The following HIRA variants were observed in gnomAD, a reference collection of about 807,000 sequenced individuals.
HIRA encodes protein HIRA.
HIRA carries 13 observed loss-of-function variants against 126.6 expected under a neutral mutation model. The observed-to-expected ratio is 0.10, with a 90% CI of 0.07 to 0.16. The LOEUF is 0.16. Among genes scored for constraint, HIRA ranks in the 10% least tolerant of loss-of-function variants. The pLI is 1.00. For missense variants in HIRA, 834 were observed against 1,314.4 expected, an observed-to-expected ratio of 0.63 and a Z score of 5.65; for synonymous variants, 511 against 520.0, an observed-to-expected ratio of 0.98 and a Z score of 0.24.
At chr22:19,382,760 CATTTTTCTTTCTTT>C (rs1184330723) in intron 13 of HIRA, among the ~76,000 whole-genome samples, 2 of 145,494 alleles carry the variant, frequency 1.4e-5, no homozygotes, top group African/African-American at 5.4e-5. Context: ...AGTGCTTTAT[CATTTTTCTTTCTTT>C]TTTTTTTTTT....
chr22:19,421,404 T>C (rs2089445365), intron 1 of HIRA, among the ~76,000 whole-genome samples: 1 of 152,206 alleles, frequency 6.6e-6, no homozygotes, highest in Non-Finnish European at 1.5e-5. Context: ...GGATTTGCTA[T>C]GGTGACTGAT....
intron 5 of HIRA, among the ~76,000 whole-genome samples, chr22:19,401,367 T>A (rs2089267306): frequency 6.6e-6 from 1 of 152,168 alleles, no homozygotes; most frequent in Non-Finnish European, 1.5e-5. Flanking sequence ...CCTCAAGTGA[T>A]CCTCATGCCT....
intron 1 of HIRA, among the ~76,000 whole-genome samples, chr22:19,427,330 A>G (rs967613378): frequency 6.6e-6 from 1 of 152,234 alleles, no homozygotes; most frequent in South Asian, 2.1e-4. Context: ...CCTCACCATT[A>G]GGATCCTTTC....
intron 1 of HIRA, among the ~76,000 whole-genome samples, chr22:19,412,428 C>T (rs1045845912): frequency 1.3e-5 from 2 of 152,200 alleles, no homozygotes; most frequent in Admixed American, 6.5e-5. Flanking sequence ...TTTAAGCCAG[C>T]AAATTTAGGG....
Position 19,361,920 on chromosome 22 carries a change from T to C in HIRA, c.1787A>G (p.Gln596Arg). 1 of 1,614,208 alleles carries C rather than the reference T, an allele frequency of 6.2e-7. No homozygotes were observed. The change falls in exon 16 of 25, where the codon CAG becomes CGG. Residue 596 changes from glutamine (Q) to arginine (R), a missense_variant. By Grantham distance (43) the Gln-to-Arg change is conservative. Around this residue, in one of 5 missense-constraint regions of HIRA, gnomAD observed 468 missense variants for 574.2 expected, o/e 0.82. Transcript: ENST00000263208. ...GGGCCTCAGCTCTTTCACAAGGTTCTGCTCTTTTAACCTGCACAAAAACAT... is the reference window on the plus strand; with the variant it reads ...GGGCCTCAGCTCTTTCACAAGGTTCCGCTCTTTTAACCTGCACAAAAACAT... Reference protein sequence around the residue: ...TPTAVERLKEQNLVKELRPRD... With the variant: ...TPTAVERLKERNLVKELRPRD...
rs775528302 is a variant in HIRA, at chr22:19,353,376, G to A, written c.2828C>T (p.Ala943Val). ...HEYRHWLLVYARYLVNEGFEY... is the reference protein window; with the variant it reads ...HEYRHWLLVYVRYLVNEGFEY... ...CTCACCTTCGTTTACGAGGTACCGT[G>A]CGTAGACGAGGAGCCAATGGCGGTA... The change falls in exon 23 of 25, where the codon GCA (alanine) becomes GTA (valine). Residue 943 changes from alanine to valine, a missense_variant. This residue lies in a region of HIRA where 58 missense variants were observed against 114.5 expected (regional missense o/e 0.51). Coordinates refer to ENST00000263208, the MANE Select transcript of HIRA (RefSeq NM_003325.4). 271 of 1,612,732 alleles carry A rather than the reference G, an allele frequency of 1.7e-4. No homozygotes were observed. The highest frequency in any genetic ancestry group is 2.1e-4 in the Non-Finnish European group (251 of 1,180,020).
At chr22:19,356,078 G>T in intron 20 of HIRA, 152 bp downstream of exon 20, 1 of 752,974 alleles carries the variant, frequency 1.3e-6, no homozygotes. Context: ...CCCCCAAAAA[G>T]TGTGTGTCTC....
intron 1 of HIRA, among the ~76,000 whole-genome samples, chr22:19,421,708 G>C (rs1032014632): frequency 6.6e-6 from 1 of 152,090 alleles, no homozygotes; most frequent in Admixed American, 6.5e-5. Context: ...GTCTTGCTCT[G>C]TCACCCAGGC....
At chr22:19,422,169 T>TACACACACACACACACACACAC (rs762601560) in intron 1 of HIRA, among the ~76,000 whole-genome samples, 4 of 111,650 alleles carry the variant, frequency 3.6e-5, no homozygotes, top group East Asian at 4.9e-4. Flanking sequence ...TGTGTTTATA[T>TACACACACACACACACACACAC]ATACACACAC....
chr22:19,353,148 C>T (rs772153817), intron 23 of HIRA, among the ~76,000 whole-genome samples: 2 of 152,232 alleles, frequency 1.3e-5, no homozygotes, highest in African/African-American at 2.4e-5. Flanking sequence ...TGCTTCTCTG[C>T]GGGAACACCC....
intron 17 of HIRA, among the ~76,000 whole-genome samples, chr22:19,360,825 C>T (rs1459223279): frequency 6.6e-6 from 1 of 152,228 alleles, no homozygotes; most frequent in Non-Finnish European, 1.5e-5. Context: ...GTGCCAGACA[C>T]TGAGAAGACA....
chr22:19,348,358 G>A (rs1363291720), intron 24 of HIRA, among the ~76,000 whole-genome samples: 10 of 152,214 alleles, frequency 6.6e-5, no homozygotes, highest in South Asian at 2.1e-4. Flanking sequence ...TATAGGCAAC[G>A]GAAATAGATC....
intron 1 of HIRA, among the ~76,000 whole-genome samples, chr22:19,419,690 G>A (rs1007097605): frequency 2.0e-5 from 3 of 152,154 alleles, no homozygotes; most frequent in Non-Finnish European, 4.4e-5. Flanking sequence ...CTGTGGCTTG[G>A]CACATAACAG....
chr22:19,399,312 T>C (rs1320066723), intron 5 of HIRA: 1 of 209,476 alleles, frequency 4.8e-6, no homozygotes, highest in African/African-American at 2.4e-5. Context: ...ATCTATTGTA[T>C]TTTTTCCAGT....
chr22:19,413,423 T>G (rs2089369890), intron 1 of HIRA, among the ~76,000 whole-genome samples: 1 of 152,022 alleles, frequency 6.6e-6, no homozygotes, highest in Admixed American at 6.6e-5. Flanking sequence ...TGAGAAGGCG[T>G]GCCTGGTTCA....
At chr22:19,356,427 G>C in intron 19 of HIRA, 139 bp from the exon 20 acceptor site, 1 of 693,504 alleles carries the variant, frequency 1.4e-6, no homozygotes. Flanking sequence ...TCTGGGCTAC[G>C]AGTGGCTTCT....
rs773155037 is a variant in HIRA at position 19,407,204 on chromosome 22, A to T, written c.282T>A (p.Ile94=). 9 of 1,613,680 alleles carry T rather than the reference A, an allele frequency of 5.6e-6. No homozygotes were observed. Among genetic ancestry groups the T allele is most frequent in the Non-Finnish European group, 6.8e-6 (8 of 1,179,640 alleles). Residue 94 remains isoleucine, a synonymous_variant, in exon 4 of 25, where the codon ATT becomes ATA. Coordinates refer to ENST00000263208, the MANE Select transcript of HIRA (RefSeq NM_003325.4). ...YLASGGDDKL[I]MVWKRATYIG... ...CTTACGTAGCCCGCTTCCACACCAT[A>T]ATCAGTTTGTCATCTCCCCCAGAAG...
At chr22:19,336,908 T>C (rs1232321468) in intron 24 of HIRA, among the ~76,000 whole-genome samples, 1 of 152,156 alleles carries the variant, frequency 6.6e-6, no homozygotes, top group African/African-American at 2.4e-5. Flanking sequence ...GAGTTCCAGA[T>C]TTTTCCACTG....
chr22:19,351,504 A>G lies in HIRA; in HGVS notation c.2849-58T>C. 1 of 1,222,484 alleles carries G rather than the reference A, an allele frequency of 8.2e-7. No individual in the cohort carries two copies. The highest frequency in any genetic ancestry group is 1.2e-6 in the Non-Finnish European group (1 of 835,116). The allele number at this position is 1,222,484 out of a possible 1,614,324, so 75.7% of individuals were successfully genotyped here. A position where few individuals can be genotyped will look rare whatever the true frequency, so the allele number is the denominator to read the frequency against. The stretch of plus-strand genomic sequence containing the variant: ...CAAAAAACAAAACAGAAATAGGAAC[A>G]CATTACAAAAAGAAATAAAATCAAG... On this transcript the variant is annotated intron_variant, in intron 23 of 24. Coordinates refer to ENST00000263208, the MANE Select transcript of HIRA (RefSeq NM_003325.4). This position sits in a 1 kb window ranked among gnomAD's most constrained non-coding sequence, Gnocchi z 4.8.
Sources: allele counts gnomAD v4.1 joint callset (sites outside exome capture counted in the v4.1 genomes callset), GRCh38; gene constraint gnomAD v4.1.1; regional missense constraint gnomAD v4.1.1; non-coding constraint Gnocchi (gnomAD v3.1); transcripts MANE v1.5; gene names NCBI Gene and HGNC (gene_info 2026-07-23, HGNC 2026-07-21).